The following KCND2 variants were observed in gnomAD, a reference collection of about 807,000 sequenced individuals.
KCND2 encodes the protein A-type voltage-gated potassium channel KCND2.
KCND2 carries 16 observed loss-of-function variants against 54.4 expected under a neutral mutation model. The observed-to-expected ratio is 0.29, with a 90% confidence interval of 0.20 to 0.45. KCND2 has a LOEUF of 0.45. Ranked by LOEUF, KCND2 falls within the 20% of genes least tolerant of loss-of-function variation. The pLI is 1.00. For synonymous variants in KCND2, 317 were observed against 310.7 expected (o/e 1.02, Z -0.21); for missense variants, 486 against 824.2 (o/e 0.59, Z 5.02).
intron 1 of KCND2, among the ~76,000 whole-genome samples, chr7:120,634,586 T>C (rs1056181899): frequency 1.4e-4 from 22 of 152,148 alleles, no homozygotes; most frequent in Non-Finnish European, 2.1e-4. Context: ...GCCCTAGTTA[T>C]TGACATACCT....
At chr7:120,420,931 T>C (rs1461373235) in intron 1 of KCND2, among the ~76,000 whole-genome samples, 1 of 152,120 alleles carries the variant, frequency 6.6e-6, no homozygotes, top group African/African-American at 2.4e-5. Context: ...AGAGAACAAA[T>C]TGAACTGTGG....
At chr7:120,434,834 CT>C (rs1177498569) in intron 1 of KCND2, among the ~76,000 whole-genome samples, 2 of 151,650 alleles carry the variant, frequency 1.3e-5, no homozygotes, top group Non-Finnish European at 2.9e-5. Context: ...AAAAAATAGA[CT>C]TTTCCAGGTG....
At chr7:120,693,151 G>A (rs1405836741) in intron 1 of KCND2, among the ~76,000 whole-genome samples, 1 of 152,054 alleles carries the variant, frequency 6.6e-6, no homozygotes, top group Admixed American at 6.6e-5. Context: ...GTATTTTCAA[G>A]CTTAATATAC....
intron 1 of KCND2, among the ~76,000 whole-genome samples, chr7:120,381,390 T>G (rs1213876850): frequency 1.3e-5 from 2 of 152,102 alleles, no homozygotes; most frequent in Non-Finnish European, 2.9e-5. Flanking sequence ...AAAAGGTAAT[T>G]ATATTCTGTA....
chr7:120,330,930 A>G (rs1428138473), intron 1 of KCND2, among the ~76,000 whole-genome samples: 7 of 152,186 alleles, frequency 4.6e-5, no homozygotes, highest in Non-Finnish European at 2.9e-5. Flanking sequence ...CCACAAAAAC[A>G]TCTAAATGAA....
intron 1 of KCND2, among the ~76,000 whole-genome samples, chr7:120,608,017 T>G (rs75588735): frequency 5.6e-3 from 11 of 1,954 alleles, no homozygotes; most frequent in Non-Finnish European, 0.02. Flanking sequence ...AATGTGACTG[T>G]TTTTTTTTTT....
At chr7:120,353,386 A>C (rs748674936) in intron 1 of KCND2, among the ~76,000 whole-genome samples, 1 of 152,086 alleles carries the variant, frequency 6.6e-6, no homozygotes, top group Non-Finnish European at 1.5e-5. Context: ...TTTATGCCGC[A>C]GGCTTTTAGT....
intron 1 of KCND2, 63 bp from the exon 2 acceptor site, chr7:120,732,840 T>C: frequency 2.8e-6 from 4 of 1,414,460 alleles, no homozygotes; most frequent in Admixed American, 1.8e-5. Flanking sequence ...AAATTCTTAG[T>C]TTCAGGTAGA....
intron 1 of KCND2, among the ~76,000 whole-genome samples, chr7:120,572,257 AT>A (rs1792375372): frequency 6.6e-6 from 1 of 151,868 alleles, no homozygotes; most frequent in South Asian, 2.1e-4. Context: ...TTCAAAAAAT[AT>A]TTTCCTACAT....
chr7:120,369,004 C>T (rs1223612581), intron 1 of KCND2, among the ~76,000 whole-genome samples: 1 of 152,008 alleles, frequency 6.6e-6, no homozygotes, highest in Non-Finnish European at 1.5e-5. Flanking sequence ...ACTGTTTGTT[C>T]ACACCAGAGT....
intron 1 of KCND2, among the ~76,000 whole-genome samples, chr7:120,339,826 A>T (rs1192380912): frequency 6.6e-6 from 1 of 152,150 alleles, no homozygotes; most frequent in Non-Finnish European, 1.5e-5. Context: ...CCTCAGTGAG[A>T]AAGTGGCATC....
chr7:120,497,551 T>C (rs1267602960), intron 1 of KCND2, among the ~76,000 whole-genome samples: 1 of 152,200 alleles, frequency 6.6e-6, no homozygotes, highest in East Asian at 1.9e-4. Context: ...ATAGCTCTGC[T>C]CCATAAAGTG....
intron 1 of KCND2, among the ~76,000 whole-genome samples, chr7:120,708,695 C>T (rs982017197): frequency 1.3e-5 from 2 of 151,938 alleles, no homozygotes; most frequent in African/African-American, 4.8e-5. Context: ...ATTATCTTTC[C>T]TACTAATGTT....
At chr7:120,602,317 T>G (rs1240172847) in intron 1 of KCND2, among the ~76,000 whole-genome samples, 1 of 152,184 alleles carries the variant, frequency 6.6e-6, no homozygotes, top group African/African-American at 2.4e-5. Context: ...TACCTCTGTT[T>G]TTTCCACAAG....
At chr7:120,662,615 A>G (rs1429548832) in intron 1 of KCND2, among the ~76,000 whole-genome samples, 1 of 152,186 alleles carries the variant, frequency 6.6e-6, no homozygotes, top group African/African-American at 2.4e-5. Flanking sequence ...CAAATAGAAT[A>G]TTTATTCTTT....
intron 1 of KCND2, among the ~76,000 whole-genome samples, chr7:120,374,623 C>T (rs1800811056): frequency 6.6e-6 from 1 of 151,650 alleles, no homozygotes; most frequent in Admixed American, 6.6e-5. Context: ...AACGATTTCC[C>T]GTTGATTTTC....
In KCND2 at chr7:120,748,994, T is replaced by C. The variant is rs528284884; in HGVS notation, c.*1136T>C. On this transcript the variant is annotated 3_prime_UTR_variant, in exon 6 of 6. Transcript: ENST00000331113. Reference sequence around the variant, plus strand: ...AAGGAGTTGACCCATATAAATTATCTCTAACGTCTTTGTTGTTTATGGAAA... The same window carrying C: ...AAGGAGTTGACCCATATAAATTATCCCTAACGTCTTTGTTGTTTATGGAAA... The C allele has an allele frequency of 6.6e-6, 1 of 152,078 alleles. No individual in the cohort carries two copies. Among genetic ancestry groups the C allele is most frequent in the East Asian group, 1.9e-4 (1 of 5,174 alleles). The allele number at this position is 152,078 out of a possible 1,614,324, so 9.4% of individuals were successfully genotyped here. A position where few individuals can be genotyped will look rare whatever the true frequency, so the allele number is the denominator to read the frequency against.
intron 1 of KCND2, among the ~76,000 whole-genome samples, chr7:120,501,986 T>A (rs1242148058): frequency 6.6e-6 from 1 of 152,092 alleles, no homozygotes; most frequent in Non-Finnish European, 1.5e-5. Context: ...GTAGAAAGAA[T>A]ACAGTGTTTT....
chr7:120,357,864 T>C (rs1250934853), intron 1 of KCND2, among the ~76,000 whole-genome samples: 1 of 152,088 alleles, frequency 6.6e-6, no homozygotes. Context: ...CCTTTATAAC[T>C]TCATTTGACT....
Sources: allele counts gnomAD v4.1 joint callset (sites outside exome capture counted in the v4.1 genomes callset), GRCh38; gene constraint gnomAD v4.1.1; transcripts MANE v1.5; gene names NCBI Gene and HGNC (gene_info 2026-07-23, HGNC 2026-07-21).